Variants in SLCO3A1 observed in about 807,000 individuals in gnomAD.
The protein encoded by SLCO3A1 is PGE1 transporter.
A neutral mutation model predicts 63.1 loss-of-function variants in SLCO3A1; 27 were observed. That is an observed-to-expected ratio of 0.43 (90% CI 0.32 to 0.59). SLCO3A1 has a LOEUF of 0.59. Ranked by LOEUF, SLCO3A1 falls within the 20% of genes least tolerant of loss-of-function variation. SLCO3A1 has a pLI of 0.09. For missense variants in SLCO3A1, 773 were observed against 945.8 expected (o/e 0.82, Z 2.40); for synonymous variants, 473 against 409.9 (o/e 1.15, Z -1.86).
intron 1 of SLCO3A1, among the ~76,000 whole-genome samples, chr15:91,910,661 C>T (rs561554619): frequency 1.4e-4 from 21 of 152,316 alleles, no homozygotes; most frequent in African/African-American, 4.6e-4. Flanking sequence ...GATGGGAACT[C>T]GAGGCTCTCC....
intron 2 of SLCO3A1, among the ~76,000 whole-genome samples, chr15:92,020,286 A>T (rs980727472): frequency 6.6e-6 from 1 of 152,072 alleles, no homozygotes; most frequent in Non-Finnish European, 1.5e-5. Context: ...CCATCCATCC[A>T]TCCATCTATA....
intron 4 of SLCO3A1, among the ~76,000 whole-genome samples, chr15:92,116,475 C>G (rs2047796776): frequency 6.6e-6 from 1 of 152,196 alleles, no homozygotes; most frequent in Admixed American, 6.5e-5. Context: ...ATAATTCAAG[C>G]CAGCCTACCT....
chr15:91,947,053 G>T (rs1360631103), intron 2 of SLCO3A1, among the ~76,000 whole-genome samples: 1 of 152,156 alleles, frequency 6.6e-6, no homozygotes, highest in Non-Finnish European at 1.5e-5. Flanking sequence ...TCCTGTCATC[G>T]GGTCCCGAGT....
At chr15:92,120,738 A>G (rs2047853872) in intron 5 of SLCO3A1, 109 bp downstream of exon 5, 2 of 882,406 alleles carry the variant, frequency 2.3e-6, no homozygotes, top group Non-Finnish European at 3.6e-6. Flanking sequence ...CTCTGGGCCT[A>G]CAGCAACAAG....
At chr15:92,142,822 G>A (rs1432027988) in intron 7 of SLCO3A1, among the ~76,000 whole-genome samples, 1 of 152,034 alleles carries the variant, frequency 6.6e-6, no homozygotes, top group Non-Finnish European at 1.5e-5. Context: ...ATTTCAGGAG[G>A]GATTTAACAC....
chr15:92,046,364 A>C (rs553957508), intron 2 of SLCO3A1, among the ~76,000 whole-genome samples: 4 of 151,776 alleles, frequency 2.6e-5, no homozygotes, highest in Admixed American at 6.6e-5. Context: ...AAAATACCAA[A>C]AGAAAAAAAA....
intron 2 of SLCO3A1, among the ~76,000 whole-genome samples, chr15:91,959,959 G>T (rs541185855): frequency 2.0e-5 from 3 of 151,830 alleles, no homozygotes; most frequent in Non-Finnish European, 4.4e-5. Flanking sequence ...AACATTTCAC[G>T]TAAACAGAAT....
chr15:91,932,925 C>A (rs1899286287), intron 2 of SLCO3A1, among the ~76,000 whole-genome samples: 1 of 152,140 alleles, frequency 6.6e-6, no homozygotes, highest in African/African-American at 2.4e-5. Flanking sequence ...GTGGTGTTAA[C>A]AGCTATGCTT....
chr15:91,915,967 C>T, intron 1 of SLCO3A1, 26 bp from the exon 2 acceptor site: 2 of 1,586,482 alleles, frequency 1.3e-6, no homozygotes, highest in Non-Finnish European at 8.6e-7. Context: ...TGGATTGGCT[C>T]TGACCTTTCT....
intron 2 of SLCO3A1, among the ~76,000 whole-genome samples, chr15:92,088,502 G>A (rs550789738): frequency 6.6e-6 from 1 of 152,318 alleles, no homozygotes; most frequent in East Asian, 1.9e-4. Flanking sequence ...TATCACTACT[G>A]TAACAAATTA....
At chr15:92,090,669 C>T (rs4984321) in intron 2 of SLCO3A1, among the ~76,000 whole-genome samples, 7,466 of 152,216 alleles carry the variant, frequency 0.049, 553 homozygotes, top group East Asian at 0.26. Context: ...CTCCCAGCTC[C>T]AGCCCCTCTC....
chr15:92,114,691 CTCTCTGT>C (rs1596113684), intron 4 of SLCO3A1, among the ~76,000 whole-genome samples: 1 of 152,274 alleles, frequency 6.6e-6, no homozygotes, highest in East Asian at 1.9e-4. Flanking sequence ...GACCTCCCTG[CTCTCTGT>C]TCTCTTCTGT....
At chr15:92,143,213 A>G (rs1032481986) in intron 7 of SLCO3A1, among the ~76,000 whole-genome samples, 6 of 145,914 alleles carry the variant, frequency 4.1e-5, no homozygotes, top group African/African-American at 1.5e-4. Context: ...GGTTCTAAGA[A>G]CTTCAGTCCC....
chr15:92,045,165 A>C (rs1443009268), intron 2 of SLCO3A1, among the ~76,000 whole-genome samples: 1 of 151,994 alleles, frequency 6.6e-6, no homozygotes, highest in Admixed American at 6.6e-5. Flanking sequence ...CTGTAGTCCC[A>C]GCTACTCGGG....
chr15:92,084,609 G>A (rs992941058), intron 2 of SLCO3A1, among the ~76,000 whole-genome samples: 1 of 152,138 alleles, frequency 6.6e-6, no homozygotes, highest in Non-Finnish European at 1.5e-5. Flanking sequence ...GTGAGTAGGG[G>A]AGCTGATAGC....
At chr15:92,047,594 AT>A (rs2046902267) in intron 2 of SLCO3A1, among the ~76,000 whole-genome samples, 1 of 8,514 alleles carries the variant, frequency 1.2e-4, no homozygotes, top group African/African-American at 9.0e-4. Context: ...TATATATATA[AT>A]ATATAATATA....
rs201261449 is a variant in SLCO3A1 at position 92,157,492 on chromosome 15, ATTTTT to A, written c.1754-5251_1754-5247del. On this transcript the variant is annotated intron_variant, in intron 9 of 9. Transcript: ENST00000318445. Reference sequence around the variant, plus strand: ...CTAAAACTTATGATGATGTGGAGAAATTTTTTTTTTTTTTTTTGAGACCAGTCTCA... The same window carrying A: ...CTAAAACTTATGATGATGTGGAGAAATTTTTTTTTTTTGAGACCAGTCTCA... 4.2e-3 allele frequency among the ~76,000 whole-genome samples: 597 copies of A among 141,340 alleles called. 9 individuals carry two copies. The highest frequency in any genetic ancestry group is 0.015 in the African/African-American group (574 of 37,736). 92.7% of individuals were successfully genotyped at this position (141,340 alleles called of 152,430 possible).
At chr15:91,990,763 G>A (rs1486013125) in intron 2 of SLCO3A1, among the ~76,000 whole-genome samples, 1 of 152,004 alleles carries the variant, frequency 6.6e-6, no homozygotes, top group East Asian at 1.9e-4. Flanking sequence ...CGCATTTGCT[G>A]TTGCCTAGAA....
In SLCO3A1 at chr15:91,872,056, G is replaced by C. The variant is rs562915022; in HGVS notation, c.180+17968G>C. On this transcript the variant is annotated intron_variant, in intron 1 of 9. Transcript: ENST00000318445. This position sits in a 1 kb window ranked among gnomAD's most constrained non-coding sequence, Gnocchi z 4.1. ...ACAAAATGGGATGATGAGTTCAAGG[G>C]ATTGGTCACAAAAGATGTGGGGAGT... is the stretch of plus-strand genomic sequence containing the variant. Among the ~76,000 whole-genome samples, 1 of 152,228 alleles carries C rather than the reference G, an allele frequency of 6.6e-6. No homozygotes were observed. The highest frequency in any genetic ancestry group is 2.4e-5 in the African/African-American group (1 of 41,534).
Sources: gnomAD v4.1 joint callset for allele counts (sites outside exome capture counted in the v4.1 genomes callset) on GRCh38, gnomAD v4.1.1 for gene constraint, Gnocchi (gnomAD v3.1) non-coding constraint, MANE v1.5 for transcripts, NCBI Gene and HGNC (gene_info 2026-07-23, HGNC 2026-07-21) for gene names.